Variants in AK5 observed in about 807,000 individuals in gnomAD.
AK5 encodes adenylate kinase 5, also known as adenylate kinase isoenzyme 5.
A neutral mutation model predicts 69.5 loss-of-function variants in AK5; 27 were observed. The ratio of observed to expected loss-of-function variants is 0.39; its 90% CI spans 0.29 to 0.54. The LOEUF is 0.54. AK5 is among the 20% of genes least tolerant of loss of function. The probability of loss-of-function intolerance (pLI) is 0.71; values close to 1 mark genes in which losing one functional copy is unlikely to be tolerated. For synonymous variants in AK5, 260 were observed against 244.4 expected (o/e 1.06, Z -0.60); for missense variants, 531 against 700.4 (o/e 0.76, Z 2.73).
intron 2 of AK5, among the ~76,000 whole-genome samples, chr1:77,290,789 C>T (rs1199128683): frequency 1.3e-5 from 2 of 152,180 alleles, no homozygotes; most frequent in East Asian, 3.8e-4. Context: ...TTGAGTACTA[C>T]TATGTGTCAG....
chr1:77,363,036 A>C (rs955393847), intron 6 of AK5, among the ~76,000 whole-genome samples: 5 of 152,136 alleles, frequency 3.3e-5, no homozygotes, highest in African/African-American at 9.7e-5. Flanking sequence ...TCTCAAATTT[A>C]TATTTCCAAG....
intron 6 of AK5, among the ~76,000 whole-genome samples, chr1:77,372,136 C>T (rs749542838): frequency 5.9e-5 from 9 of 152,086 alleles, no homozygotes; most frequent in Non-Finnish European, 1.0e-4. Context: ...CATTTTTAAT[C>T]ACTGTCACTT....
intron 5 of AK5, among the ~76,000 whole-genome samples, chr1:77,324,048 T>A (rs1570378882): frequency 6.6e-6 from 1 of 152,116 alleles, no homozygotes; most frequent in Admixed American, 6.5e-5. Flanking sequence ...GACTCAAAAG[T>A]CTGGGTTCAA....
rs72681700 is a variant in AK5, at chr1:77,510,524, G to A, written c.1148-8040G>A. The stretch of plus-strand genomic sequence containing the variant: ...GGCAGTTTTCCGCTGCTAAAAAAAA[G>A]AAAAAGAAAGAAAGAAAAAGAATAC... On this transcript the variant is annotated intron_variant, in intron 10 of 13. Coordinates refer to ENST00000354567, the MANE Select transcript of AK5 (RefSeq NM_174858.3). Among the ~76,000 whole-genome samples, 983 of 151,040 alleles carry A rather than the reference G, an allele frequency of 6.5e-3. 8 individuals are homozygous for A. Among genetic ancestry groups the A allele is most frequent in the Non-Finnish European group, 7.8e-3 (527 of 67,912 alleles).
At chr1:77,309,981 G>C (rs1245479145) in intron 5 of AK5, among the ~76,000 whole-genome samples, 1 of 151,704 alleles carries the variant, frequency 6.6e-6, no homozygotes, top group African/African-American at 2.4e-5. Context: ...TTTTCCCTTT[G>C]GCTTTTGCAT....
chr1:77,386,429 A>T, intron 6 of AK5, among the ~76,000 whole-genome samples: 1 of 152,168 alleles, frequency 6.6e-6, no homozygotes, highest in East Asian at 1.9e-4. Context: ...TACACAGAGG[A>T]GTGTGGAGGA....
At chr1:77,306,504 T>A in intron 5 of AK5, among the ~76,000 whole-genome samples, 1 of 150,648 alleles carries the variant, frequency 6.6e-6, no homozygotes, top group East Asian at 1.9e-4. Flanking sequence ...GTTTTTTTTT[T>A]TTTTTTTGAG....
At chr1:77,518,495 A>G (rs1387062666) in intron 10 of AK5, 69 bp from the exon 11 acceptor site, 1 of 1,524,940 alleles carries the variant, frequency 6.6e-7, no homozygotes, top group East Asian at 2.3e-5. Context: ...CTTGCTCACC[A>G]TGGTGACTAC....
rs1652020222 is a variant in AK5 at position 77,437,417 on chromosome 1, T to TA, written c.1059+19703dup. Among the ~76,000 whole-genome samples, 3 of 152,128 alleles carry TA rather than the reference T, an allele frequency of 2.0e-5. No homozygotes were observed. In the South Asian group the frequency reaches 6.2e-4, roughly 32 times the overall value. On this transcript the variant is annotated intron_variant, in intron 8 of 13. Transcript: ENST00000354567. ...ACAGCAAAACATAGTAATTTAAACT[T>TA]ACCAGTTTATAAAAGGACAGTTGAA... is the stretch of plus-strand genomic sequence containing the variant.
chr1:77,338,166 T>G (rs922392999), intron 5 of AK5, among the ~76,000 whole-genome samples: 5 of 152,092 alleles, frequency 3.3e-5, no homozygotes, highest in Admixed American at 6.5e-5. Flanking sequence ...GGTTTTGCCA[T>G]TTTGGCCAGA....
chr1:77,455,028 G>A (rs74092641), intron 8 of AK5, among the ~76,000 whole-genome samples: 6,924 of 152,198 alleles, frequency 0.045, 396 homozygotes, highest in East Asian at 0.19. Context: ...CACTCAATTT[G>A]GGTCAAGTAT....
chr1:77,451,208 A>G (rs895753934), intron 8 of AK5, among the ~76,000 whole-genome samples: 1 of 152,200 alleles, frequency 6.6e-6, no homozygotes. Context: ...CATAAAAGCA[A>G]AACTACATGC....
chr1:77,462,297 T>TTGAATAGA (rs562296210), intron 8 of AK5, among the ~76,000 whole-genome samples: 1,316 of 125,464 alleles, frequency 0.01, 9 homozygotes, highest in East Asian at 0.038. Flanking sequence ...CAAATATTTG[T>TTGAATAGA]TGGATAGATG....
intron 12 of AK5, among the ~76,000 whole-genome samples, chr1:77,531,758 C>T (rs1351150441): frequency 1.3e-5 from 2 of 152,138 alleles, no homozygotes; most frequent in African/African-American, 4.8e-5. Context: ...CCGCGCCCTG[C>T]GCCCGCACTC....
chr1:77,445,651 C>G (rs551739333), intron 8 of AK5, among the ~76,000 whole-genome samples: 10 of 152,334 alleles, frequency 6.6e-5, no homozygotes, highest in African/African-American at 1.9e-4. Context: ...GTGGCATGAT[C>G]TCAGCTCACT....
Position 77,340,390 on chromosome 1 carries a change from A to C in AK5, c.713A>C (p.Asp238Ala). ...TGCTCTCCACAGATCTGTACCCCCGATTTGGTGGTATTCCTGGCTTGTGCT... is the reference window on the plus strand; with the variant it reads ...TGCTCTCCACAGATCTGTACCCCCGCTTTGGTGGTATTCCTGGCTTGTGCT... ...LSFEDQICTP[D>A]LVVFLACANQ... The change falls in exon 6 of 14, where the codon GAT (aspartate) becomes GCT (alanine). Residue 238 changes from aspartate (D) to alanine (A), a missense_variant. By Grantham distance (126) the Asp-to-Ala change is moderately radical. Transcript: ENST00000354567. The C allele has an allele frequency of 6.2e-7, 1 of 1,613,800 alleles. No individual in the cohort carries two copies. The highest frequency in any genetic ancestry group is 1.1e-5 in the South Asian group (1 of 91,038).
chr1:77,495,653 C>T (rs1335393286), intron 10 of AK5, among the ~76,000 whole-genome samples: 1 of 152,164 alleles, frequency 6.6e-6, no homozygotes, highest in Non-Finnish European at 1.5e-5. Flanking sequence ...GCCAAAACTA[C>T]TTCTGAGGGC....
intron 11 of AK5, among the ~76,000 whole-genome samples, chr1:77,519,879 T>C (rs1439302782): frequency 1.3e-5 from 2 of 152,190 alleles, no homozygotes; most frequent in African/African-American, 4.8e-5. Flanking sequence ...CTGTGTCTTG[T>C]ACTGACCTCC....
chr1:77,403,871 T>C (rs1214999185), intron 6 of AK5, among the ~76,000 whole-genome samples: 1 of 152,236 alleles, frequency 6.6e-6, no homozygotes, highest in Non-Finnish European at 1.5e-5. Flanking sequence ...GCATTGAATC[T>C]ATAAATTACC....
Sources: gnomAD v4.1 joint callset for allele counts (sites outside exome capture counted in the v4.1 genomes callset) on GRCh38, gnomAD v4.1.1 for gene constraint, MANE v1.5 for transcripts, NCBI Gene and HGNC (gene_info 2026-07-23, HGNC 2026-07-21) for gene names.